Variants in FOXP2 observed in about 807,000 individuals in gnomAD.
FOXP2 encodes forkhead box P2.
Under a neutral mutation model 115.8 loss-of-function variants are expected in FOXP2, and 12 were observed. The ratio of observed to expected loss-of-function variants is 0.10; its 90% CI spans 0.07 to 0.17. The LOEUF (loss-of-function observed/expected upper bound fraction) is 0.17, where lower values mean the gene tolerates loss of function less well. Ranked by LOEUF, FOXP2 falls within the 10% of genes least tolerant of loss-of-function variation. The pLI, the probability that FOXP2 is intolerant of heterozygous loss-of-function variation, is 1.00. For synonymous variants in FOXP2, 328 were observed against 297.7 expected, an observed-to-expected ratio of 1.10 and a Z score of -1.05; for missense variants, 629 against 843.5, an observed-to-expected ratio of 0.75 and a Z score of 3.15.
rs189740316 is a variant in FOXP2 at position 114,393,008 on chromosome 7, A to T, written c.-10-33494A>T. ...GCTGGGAAGTTTCCGTACTCAGGAA[A>T]AAAGAAATCCAGATTCTGGTGAGGA... On this transcript the variant is annotated intron_variant, in intron 2 of 17. Transcript: ENST00000634411. Among the ~76,000 whole-genome samples the T allele has an allele frequency of 3.5e-3, 537 of 152,290 alleles. 1 individual carries two copies. The highest frequency in any genetic ancestry group is 5.6e-3 in the Admixed American group (86 of 15,294).
intron 1 of FOXP2, among the ~76,000 whole-genome samples, chr7:114,275,181 G>A (rs1417445632): frequency 6.6e-6 from 1 of 151,864 alleles, no homozygotes; most frequent in African/African-American, 2.4e-5. Flanking sequence ...TGAGTTTTCT[G>A]GATCTGTGGG....
intron 9 of FOXP2, among the ~76,000 whole-genome samples, chr7:114,652,613 C>T (rs984908889): frequency 2.0e-5 from 3 of 152,050 alleles, no homozygotes; most frequent in Non-Finnish European, 4.4e-5. Flanking sequence ...GATTTTATTA[C>T]AGAGAGAGTT....
intron 2 of FOXP2, among the ~76,000 whole-genome samples, chr7:114,442,509 G>C (rs549736284): frequency 6.6e-6 from 1 of 152,284 alleles, no homozygotes; most frequent in East Asian, 1.9e-4. Flanking sequence ...CCAGGCTGGA[G>C]ATCAGAGGTG....
chr7:114,586,914 A>G lies in FOXP2; in HGVS notation c.259-41626A>G, dbSNP rs552990551. Among the ~76,000 whole-genome samples the G allele has an allele frequency of 5.9e-5, 9 of 152,288 alleles. No homozygotes were observed. The South Asian group carries it at 1.9e-3, about 32-fold the overall frequency. On this transcript the variant is annotated intron_variant, in intron 3 of 16. Transcript: ENST00000350908. ...TTTCACGCTATTGCAATGCACTTAT[A>G]AAAATGTACTTTGTACTAGTAAAGG...
At chr7:114,640,945 A>G (rs1805492600) in intron 6 of FOXP2, among the ~76,000 whole-genome samples, 1 of 152,180 alleles carries the variant, frequency 6.6e-6, no homozygotes, top group East Asian at 1.9e-4. Context: ...GAGGTTAACT[A>G]AGATTATAAA....
chr7:114,559,429 C>T (rs1478221212), intron 3 of FOXP2, among the ~76,000 whole-genome samples: 1 of 152,106 alleles, frequency 6.6e-6, no homozygotes. Context: ...CTGTTATTGG[C>T]TTCTCTACTG....
At chr7:114,310,624 G>A (rs1483718621) in intron 2 of FOXP2, among the ~76,000 whole-genome samples, 2 of 151,962 alleles carry the variant, frequency 1.3e-5, no homozygotes, top group African/African-American at 4.8e-5. Context: ...AGTTGAAGCT[G>A]TGGTTTTCCT....
intron 1 of FOXP2, among the ~76,000 whole-genome samples, chr7:114,164,276 G>A (rs530470130): frequency 6.6e-6 from 1 of 151,586 alleles, no homozygotes; most frequent in African/African-American, 2.4e-5. Flanking sequence ...GGACTTAGAT[G>A]TTCAGTTCAA....
intron 1 of FOXP2, among the ~76,000 whole-genome samples, chr7:114,113,183 A>G (rs1268192395): frequency 6.6e-6 from 1 of 152,166 alleles, no homozygotes; most frequent in Non-Finnish European, 1.5e-5. Context: ...GTTCACGAAC[A>G]TGATCAAATT....
intron 2 of FOXP2, among the ~76,000 whole-genome samples, chr7:114,385,607 A>C (rs796660484): frequency 7.9e-5 from 12 of 152,274 alleles, no homozygotes; most frequent in African/African-American, 2.4e-4. Context: ...GCCCTTCCCC[A>C]GATAGCCTCA....
intron 1 of FOXP2, among the ~76,000 whole-genome samples, chr7:114,271,673 T>A (rs1200587882): frequency 6.8e-5 from 8 of 118,254 alleles, no homozygotes; most frequent in Admixed American, 3.1e-4. Context: ...AATATATTAT[T>A]TAAAATTATA....
At chr7:114,580,158 A>T (rs1255186896) in intron 3 of FOXP2, among the ~76,000 whole-genome samples, 2 of 152,240 alleles carry the variant, frequency 1.3e-5, no homozygotes, top group Non-Finnish European at 2.9e-5. Context: ...CCTTAGAGCA[A>T]TAGAAAGCAG....
chr7:114,351,218 T>G (rs2129185821), intron 2 of FOXP2, among the ~76,000 whole-genome samples: 1 of 152,278 alleles, frequency 6.6e-6, no homozygotes, highest in African/African-American at 2.4e-5. Flanking sequence ...TACAATAAAC[T>G]TGTGTATTTT....
Position 114,662,112 on chromosome 7 carries a change from A to G in FOXP2, c.1695A>G (p.Val565=), listed in dbSNP as rs775415847. ...NLSLHKCFVR[V]ENVKGAVWTV... Reference sequence around the variant, plus strand: ...GCCTGCACAAGTGTTTTGTTCGAGTAGAAAATGTTAAAGGAGCAGTATGGA... The same window carrying G: ...GCCTGCACAAGTGTTTTGTTCGAGTGGAAAATGTTAAAGGAGCAGTATGGA... Residue 565 remains valine (V), a synonymous_variant, in exon 14 of 17, where the codon GTA becomes GTG. Coordinates refer to ENST00000350908, the MANE Select transcript of FOXP2 (RefSeq NM_014491.4). The G allele has an allele frequency of 1.9e-6, 3 of 1,612,970 alleles. No homozygotes were observed. The Admixed American group carries it at 5.0e-5, about 27-fold the overall frequency.
At chr7:114,282,152 C>T (rs1022736403) in intron 1 of FOXP2, among the ~76,000 whole-genome samples, 4 of 152,154 alleles carry the variant, frequency 2.6e-5, no homozygotes, top group African/African-American at 9.7e-5. Context: ...TGGAATAAAT[C>T]TGTTGTAGAT....
chr7:114,479,553 A>C (rs1365618669), intron 2 of FOXP2, among the ~76,000 whole-genome samples: 1 of 151,292 alleles, frequency 6.6e-6, no homozygotes, highest in East Asian at 1.9e-4. Flanking sequence ...AAAAAAAAAA[A>C]AACTCAGCTC....
chr7:114,248,115 T>G (rs1441062735), intron 1 of FOXP2, among the ~76,000 whole-genome samples: 1 of 151,420 alleles, frequency 6.6e-6, no homozygotes, highest in African/African-American at 2.4e-5. Flanking sequence ...TAAGTTATAG[T>G]CTCCAATGGT....
At chr7:114,634,121 G>A (rs980382878) in intron 6 of FOXP2, among the ~76,000 whole-genome samples, 4 of 151,630 alleles carry the variant, frequency 2.6e-5, no homozygotes, top group East Asian at 1.9e-4. Context: ...TCAGCTTTCC[G>A]AGTAGCTGCA....
chr7:114,543,770 C>T (rs554464759), intron 3 of FOXP2, among the ~76,000 whole-genome samples: 1 of 152,176 alleles, frequency 6.6e-6, no homozygotes, highest in Non-Finnish European at 1.5e-5. Flanking sequence ...AATAACCACA[C>T]AAATCCATAA....
Sources: allele counts gnomAD v4.1 joint callset (sites outside exome capture counted in the v4.1 genomes callset), GRCh38; gene constraint gnomAD v4.1.1; transcripts MANE v1.5; gene names NCBI Gene and HGNC (gene_info 2026-07-23, HGNC 2026-07-21).